STAG1: variants seen among roughly 807,000 people sequenced by gnomAD.
STAG1 encodes the protein STAG1 cohesin complex component, also known as cohesin subunit SA-1.
In STAG1, 26 loss-of-function variants were observed where a neutral mutation model predicts 170.9. That is an observed-to-expected ratio of 0.15 (90% CI 0.11 to 0.21). The LOEUF (loss-of-function observed/expected upper bound fraction) is 0.21. STAG1 is among the 10% of genes least tolerant of loss of function. The pLI is 1.00. For missense variants in STAG1, 964 were observed against 1,509.5 expected (o/e 0.64, Z 5.99); for synonymous variants, 514 against 497.7 (o/e 1.03, Z -0.44).
intron 13 of STAG1, among the ~76,000 whole-genome samples, chr3:136,463,638 G>A (rs1429628312): frequency 6.6e-6 from 1 of 150,842 alleles, no homozygotes; most frequent in Non-Finnish European, 1.5e-5. Context: ...AACACTATGG[G>A]AGGCTGAGGT....
intron 1 of STAG1, among the ~76,000 whole-genome samples, chr3:136,729,844 G>T (rs1933904503): frequency 7.0e-6 from 1 of 142,432 alleles, no homozygotes; most frequent in East Asian, 2.1e-4. Context: ...CTCTCAAAGT[G>T]CTGAGATTAC....
At chr3:136,690,675 C>T (rs1205946267) in intron 1 of STAG1, among the ~76,000 whole-genome samples, 1 of 152,082 alleles carries the variant, frequency 6.6e-6, no homozygotes, top group Non-Finnish European at 1.5e-5. Flanking sequence ...GTAAAAGAGT[C>T]ACAGGAGTAA....
intron 8 of STAG1, 145 bp from the exon 9 acceptor site, chr3:136,500,441 C>T: frequency 1.8e-6 from 1 of 562,622 alleles, no homozygotes; most frequent in Non-Finnish European, 3.2e-6. Flanking sequence ...GTGAAAATAC[C>T]AGTATATTTC....
chr3:136,585,017 A>G (rs1002869383), intron 4 of STAG1, among the ~76,000 whole-genome samples: 3 of 152,256 alleles, frequency 2.0e-5, no homozygotes, highest in Non-Finnish European at 4.4e-5. Context: ...TAGATTACTA[A>G]TATCTGGGTT....
chr3:136,643,223 A>C (rs1940870086), intron 1 of STAG1, among the ~76,000 whole-genome samples: 1 of 152,224 alleles, frequency 6.6e-6, no homozygotes, highest in Non-Finnish European at 1.5e-5. Flanking sequence ...AGATCATTTT[A>C]AGAAATGTTT....
At chr3:136,443,503 C>T in intron 14 of STAG1, 99 bp from the exon 15 acceptor site, 1 of 857,528 alleles carries the variant, frequency 1.2e-6, no homozygotes. Flanking sequence ...ATTAAAATGG[C>T]TTGGTTTCCA....
chr3:136,510,935 G>A (rs969036831), intron 7 of STAG1, among the ~76,000 whole-genome samples: 5 of 151,906 alleles, frequency 3.3e-5, no homozygotes, highest in African/African-American at 4.8e-5. Flanking sequence ...CACCATGCCC[G>A]GCTAATTTTG....
At chr3:136,572,448 T>A (rs1576620909) in intron 4 of STAG1, among the ~76,000 whole-genome samples, 2 of 151,188 alleles carry the variant, frequency 1.3e-5, no homozygotes, top group African/African-American at 2.4e-5. Flanking sequence ...CACGAATTAG[T>A]CAGGTGTGGT....
chr3:136,582,358 A>G (rs1009971813), intron 4 of STAG1, among the ~76,000 whole-genome samples: 1 of 152,196 alleles, frequency 6.6e-6, no homozygotes, highest in African/African-American at 2.4e-5. Flanking sequence ...TTTCACATGT[A>G]ACAGATGCTT....
intron 29 of STAG1, among the ~76,000 whole-genome samples, chr3:136,347,731 C>T (rs763192952): frequency 1.8e-4 from 28 of 152,290 alleles, no homozygotes; most frequent in East Asian, 9.6e-4. Flanking sequence ...ACAATGATAA[C>T]GTTCAGATAA....
intron 1 of STAG1, among the ~76,000 whole-genome samples, chr3:136,658,792 A>G (rs1418758677): frequency 2.0e-5 from 3 of 152,206 alleles, no homozygotes; most frequent in Admixed American, 1.3e-4. Flanking sequence ...AAATTCTGTC[A>G]TTTAACAAGA....
intron 9 of STAG1, among the ~76,000 whole-genome samples, chr3:136,486,806 C>A (rs1036941372): frequency 6.6e-6 from 1 of 152,138 alleles, no homozygotes; most frequent in South Asian, 2.1e-4. Flanking sequence ...CTGTTTGCAA[C>A]AGGCTAGAGA....
intron 1 of STAG1, among the ~76,000 whole-genome samples, chr3:136,638,992 C>G (rs1466524457): frequency 6.6e-6 from 1 of 151,466 alleles, no homozygotes; most frequent in Non-Finnish European, 1.5e-5. Flanking sequence ...AAACAGCTAA[C>G]AAGTAAAAAT....
At chr3:136,658,081 AG>A (rs559697340) in intron 1 of STAG1, among the ~76,000 whole-genome samples, 2 of 151,508 alleles carry the variant, frequency 1.3e-5, no homozygotes, top group Admixed American at 1.3e-4. Context: ...CCAACACTTC[AG>A]GGGGGGCTGA....
rs538915359 is a variant in STAG1 at position 136,373,147 on chromosome 3, T to G, written c.2371-3865A>C. Reference sequence around the variant, plus strand: ...TAGTTTATTTGCATAGAGGTGTTTATAGTATTCTCTAATGGTAGTTTGTAT... The same window carrying G: ...TAGTTTATTTGCATAGAGGTGTTTAGAGTATTCTCTAATGGTAGTTTGTAT... On this transcript the variant is annotated intron_variant, in intron 23 of 33. Transcript: ENST00000383202. 2.0e-5 allele frequency among the ~76,000 whole-genome samples: 3 copies of G among 152,372 alleles called. No individual in the cohort carries two copies. In the South Asian group the frequency reaches 6.2e-4, roughly 32 times the overall value.
intron 1 of STAG1, chr3:136,737,365 G>T: frequency 2.8e-6 from 1 of 357,398 alleles, no homozygotes; most frequent in South Asian, 2.3e-5. Context: ...GCCTCCCAAA[G>T]TGCTGGGATT....
At chr3:136,406,018 T>C (rs1305983755) in intron 21 of STAG1, among the ~76,000 whole-genome samples, 2 of 152,132 alleles carry the variant, frequency 1.3e-5, no homozygotes, top group African/African-American at 4.8e-5. Context: ...CCATAAAACC[T>C]AGCAATTTTA....
At chr3:136,595,655 C>T (rs910004805) in intron 4 of STAG1, among the ~76,000 whole-genome samples, 3 of 147,772 alleles carry the variant, frequency 2.0e-5, no homozygotes, top group African/African-American at 7.5e-5. Flanking sequence ...CCAGCCTGGG[C>T]GACAGAGCAA....
intron 1 of STAG1, among the ~76,000 whole-genome samples, chr3:136,638,398 G>A (rs945236087): frequency 5.9e-5 from 9 of 152,020 alleles, no homozygotes; most frequent in Non-Finnish European, 1.0e-4. Context: ...GCCTCCCAAA[G>A]TGCTGGGATT....
Sources: allele counts gnomAD v4.1 joint callset (sites outside exome capture counted in the v4.1 genomes callset), GRCh38; gene constraint gnomAD v4.1.1; transcripts MANE v1.5; gene names NCBI Gene and HGNC (gene_info 2026-07-23, HGNC 2026-07-21).